Variants in ITGA2 observed in about 807,000 individuals in gnomAD.
The protein encoded by ITGA2 is integrin alpha-2.
Under a neutral mutation model 146.3 loss-of-function variants are expected in ITGA2, and 101 were observed. The ratio of observed to expected loss-of-function variants is 0.69; its 90% CI spans 0.59 to 0.81. ITGA2 has a LOEUF of 0.81. Ranked by LOEUF, ITGA2 falls within the 40% of genes least tolerant of loss-of-function variation. The pLI is 0.00. For missense variants in ITGA2, 1,281 were observed against 1,402.7 expected, an observed-to-expected ratio of 0.91 and a Z score of 1.39; for synonymous variants, 477 against 487.1, an observed-to-expected ratio of 0.98 and a Z score of 0.27.
chr5:53,005,817 T>C (rs112447777), intron 1 of ITGA2, among the ~76,000 whole-genome samples: 7 of 152,238 alleles, frequency 4.6e-5, no homozygotes, highest in African/African-American at 1.7e-4. Flanking sequence ...GAATGGCTTA[T>C]ACAAAACAAG....
intron 20 of ITGA2, among the ~76,000 whole-genome samples, chr5:53,073,882 T>C (rs1241164365): frequency 6.8e-6 from 1 of 146,518 alleles, no homozygotes; most frequent in East Asian, 2.1e-4. Context: ...CCTTGGTGTT[T>C]AAACACCCTG....
At chr5:53,040,367 C>T (rs527590268) in intron 2 of ITGA2, among the ~76,000 whole-genome samples, 2 of 152,144 alleles carry the variant, frequency 1.3e-5, no homozygotes, top group Non-Finnish European at 2.9e-5. Context: ...AATCAAGGCT[C>T]TGGAAGACAA....
At chr5:53,072,423 G>A (rs1745439580) in intron 18 of ITGA2, among the ~76,000 whole-genome samples, 190 bp from the exon 19 acceptor site, 1 of 151,658 alleles carries the variant, frequency 6.6e-6, no homozygotes, top group African/African-American at 2.4e-5. Flanking sequence ...AGCTCCCCCT[G>A]TGCAAATGAT....
chr5:53,083,618 C>T (rs1746025560), intron 27 of ITGA2, among the ~76,000 whole-genome samples, 165 bp downstream of exon 27: 1 of 152,212 alleles, frequency 6.6e-6, no homozygotes, highest in Non-Finnish European at 1.5e-5. Context: ...CATCGCTTTC[C>T]AATGCCCATC....
intron 1 of ITGA2, among the ~76,000 whole-genome samples, chr5:53,025,992 C>A (rs573370791): frequency 6.6e-6 from 1 of 152,266 alleles, no homozygotes; most frequent in Admixed American, 6.5e-5. Context: ...TCTATCAAGG[C>A]TTTATATGCC....
chr5:53,063,281 C>G (rs990728132), intron 13 of ITGA2, among the ~76,000 whole-genome samples: 2 of 151,806 alleles, frequency 1.3e-5, no homozygotes, highest in African/African-American at 4.8e-5. Flanking sequence ...GCGATAAAGA[C>G]AACAATAACA....
intron 15 of ITGA2, among the ~76,000 whole-genome samples, chr5:53,066,254 G>C (rs1198246908): frequency 6.6e-6 from 1 of 151,878 alleles, no homozygotes; most frequent in Non-Finnish European, 1.5e-5. Flanking sequence ...GGCTATTTCT[G>C]AATGTTATCT....
At chr5:53,030,713 T>C (rs1743183442) in intron 2 of ITGA2, among the ~76,000 whole-genome samples, 1 of 151,936 alleles carries the variant, frequency 6.6e-6, no homozygotes, top group Admixed American at 6.6e-5. Flanking sequence ...CCTTAAGGAG[T>C]GTAAAATAGA....
intron 20 of ITGA2, among the ~76,000 whole-genome samples, chr5:53,074,174 G>A (rs1387444390): frequency 6.6e-6 from 1 of 151,780 alleles, no homozygotes; most frequent in Non-Finnish European, 1.5e-5. Context: ...TGTTTTGTTG[G>A]ATGTTCTAGG....
intron 7 of ITGA2, among the ~76,000 whole-genome samples, chr5:53,055,151 TA>T (rs1334306859): frequency 3.3e-5 from 5 of 152,128 alleles, no homozygotes; most frequent in East Asian, 1.9e-4. Flanking sequence ...CTATTACTTT[TA>T]AAAAAATAAG....
intron 1 of ITGA2, among the ~76,000 whole-genome samples, chr5:53,012,338 A>G (rs1467719697): frequency 1.3e-5 from 2 of 152,212 alleles, no homozygotes; most frequent in Non-Finnish European, 2.9e-5. Context: ...GCAACATTAT[A>G]TCCAAATGGT....
chr5:53,058,100 A>G lies in ITGA2; in HGVS notation c.1172A>G (p.Asn391Ser), dbSNP rs1350306477. Residue 391 changes from asparagine (N) to serine (S), a missense_variant and splice_region_variant, in exon 10 of 30, where the codon AAT (asparagine) becomes AGT (serine). This residue lies in a region of ITGA2 where 795 missense variants were observed against 841.7 expected (regional missense o/e 0.94). Coordinates refer to ENST00000296585, the MANE Select transcript of ITGA2 (RefSeq NM_002203.4). ...TTCAGTGCAGATTACTCTTCTCAAA[A>G]TGTGCGTATATCAGATAGCTTCAAG... ...VGFSADYSSQ[N>S]DILMLGAVGA... 4 of 1,606,128 alleles carry G rather than the reference A, an allele frequency of 2.5e-6. No homozygotes were observed. Among genetic ancestry groups the G allele is most frequent in the Non-Finnish European group, 3.4e-6 (4 of 1,173,454 alleles).
At chr5:53,071,857 T>G in intron 17 of ITGA2, 81 bp from the exon 18 acceptor site, 1 of 952,178 alleles carries the variant, frequency 1.1e-6, no homozygotes, top group Non-Finnish European at 1.7e-6. Flanking sequence ...ACATTTGGAA[T>G]CATTTTCTTG....
chr5:53,080,414 C>G, intron 24 of ITGA2, 97 bp from the exon 25 acceptor site: 1 of 896,884 alleles, frequency 1.1e-6, no homozygotes, highest in Admixed American at 1.8e-5. Flanking sequence ...AGTCTTACCA[C>G]CTCGTAGTTG....
At chr5:53,059,325 A>G (rs1744795796) in intron 10 of ITGA2, among the ~76,000 whole-genome samples, 1 of 151,926 alleles carries the variant, frequency 6.6e-6, no homozygotes, top group Non-Finnish European at 1.5e-5. Context: ...GGAATATAGG[A>G]ATATACTGGA....
rs1740393056 is a variant in ITGA2 at position 53,091,028 on chromosome 5, TGTAA to T, written c.*433_*436del. ...ACTACAGAAGTGGAAGTGCTTGATA[TGTAA>T]GTACTTCCACTTGTGTATATTTTAA... On this transcript the variant is annotated 3_prime_UTR_variant, in exon 30 of 30. Transcript: ENST00000296585. 5.2e-6 allele frequency: 2 copies of T among 382,862 alleles called. No individual in the cohort carries two copies. Among genetic ancestry groups the T allele is most frequent in the South Asian group, 6.6e-5 (1 of 15,204 alleles). The allele number at this position is 382,862 out of a possible 1,614,324, so 23.7% of individuals were successfully genotyped here.
intron 4 of ITGA2, among the ~76,000 whole-genome samples, chr5:53,045,394 C>T (rs1744027182): frequency 6.6e-6 from 1 of 152,178 alleles, no homozygotes; most frequent in South Asian, 2.1e-4. Flanking sequence ...AATCCCAAAT[C>T]TCATTTCTAC....
intron 12 of ITGA2, 127 bp from the exon 13 acceptor site, chr5:53,062,659 T>G: frequency 1.0e-6 from 1 of 963,670 alleles, no homozygotes; most frequent in Non-Finnish European, 1.7e-6. Context: ...TGTCTTCATG[T>G]TCCAAGCACT....
intron 29 of ITGA2, 74 bp downstream of exon 29, chr5:53,090,136 T>G (rs1740340273): frequency 1.1e-6 from 1 of 904,696 alleles, no homozygotes; most frequent in Non-Finnish European, 1.9e-6. Context: ...AAACATCAAC[T>G]TCAGGTTTTA....
Sources: gnomAD v4.1 joint callset for allele counts (sites outside exome capture counted in the v4.1 genomes callset) on GRCh38, gnomAD v4.1.1 for gene constraint, gnomAD v4.1.1 regional missense constraint, MANE v1.5 for transcripts, NCBI Gene and HGNC (gene_info 2026-07-23, HGNC 2026-07-21) for gene names.